Variants in TSNARE1 observed in about 807,000 individuals in gnomAD.
The protein encoded by TSNARE1 is t-SNARE domain-containing protein 1.
In TSNARE1, 49 loss-of-function variants were observed where a neutral mutation model predicts 62.0. That is an observed-to-expected ratio of 0.79 (90% confidence interval 0.63 to 1.00). The LOEUF is 1.00. Among genes scored for constraint, TSNARE1 ranks in the 50% least tolerant of loss-of-function variants. The pLI is 0.00. For synonymous variants in TSNARE1, 328 were observed against 294.4 expected (o/e 1.11, Z -1.17); for missense variants, 755 against 700.1 (o/e 1.08, Z -0.88).
At chr8:142,403,968 G>C (rs1838496418), upstream of TSNARE1, 1 of 152,232 alleles carries the variant, frequency 6.6e-6, no homozygotes, top group Non-Finnish European at 1.5e-5. Context: ...GTGTGTCCTT[G>C]GGCCGCCAGG....
intron 12 of TSNARE1, among the ~76,000 whole-genome samples, chr8:142,242,947 C>CAAAAAAAAAAAAAAAAAAAAAAAAAAAAA (rs35092120): frequency 1.9e-5 from 1 of 51,390 alleles, no homozygotes. Context: ...AACTCTGTCT[C>CAAAAAAAAAAAAAAAAAAAAAAAAAAAAA]AAAAAAAAAA....
intron 9 of TSNARE1, among the ~76,000 whole-genome samples, chr8:142,301,925 C>T (rs1185839958): frequency 6.6e-6 from 1 of 152,224 alleles, no homozygotes; most frequent in African/African-American, 2.4e-5. Context: ...TGCCCTCAGA[C>T]ACACATCAAG....
intron 13 of TSNARE1, among the ~76,000 whole-genome samples, chr8:142,220,621 A>G (rs1255695874): frequency 6.6e-6 from 1 of 152,208 alleles, no homozygotes; most frequent in Non-Finnish European, 1.5e-5. Context: ...TCCGCTCAGC[A>G]CAGAGGGGCA....
intron 1 of TSNARE1, among the ~76,000 whole-genome samples, chr8:142,368,894 A>C (rs1474304892): frequency 6.6e-6 from 1 of 152,192 alleles, no homozygotes; most frequent in Non-Finnish European, 1.5e-5. Flanking sequence ...TCTCTGGAAA[A>C]GGGGCAGAGC....
chr8:142,318,446 C>A, intron 7 of TSNARE1, 98 bp downstream of exon 7: 3 of 1,221,294 alleles, frequency 2.5e-6, no homozygotes, highest in Non-Finnish European at 3.5e-6. Flanking sequence ...CACACGTCAG[C>A]CTCCCTGTAT....
intron 9 of TSNARE1, among the ~76,000 whole-genome samples, chr8:142,308,472 C>T (rs1227971984): frequency 2.0e-5 from 3 of 152,130 alleles, no homozygotes; most frequent in Admixed American, 6.6e-5. Flanking sequence ...ACCCACCTCC[C>T]GTGGCAGGGC....
At chr8:142,256,575 T>TCATCACCACCATCAC (rs1554630721) in intron 12 of TSNARE1, among the ~76,000 whole-genome samples, 4 of 123,520 alleles carry the variant, frequency 3.2e-5, no homozygotes, top group Non-Finnish European at 5.3e-5. Context: ...ACCATCACCA[T>TCATCACCACCATCAC]CATCACCACC....
intron 2 of TSNARE1, among the ~76,000 whole-genome samples, 185 bp from the exon 3 acceptor site, chr8:142,346,077 G>A (rs1169083146): frequency 1.3e-5 from 2 of 152,232 alleles, no homozygotes; most frequent in African/African-American, 2.4e-5. Context: ...ATGCCAGCAA[G>A]GAGTTCAGAA....
chr8:142,360,812 C>A (rs1240878908), intron 1 of TSNARE1, among the ~76,000 whole-genome samples: 1 of 152,230 alleles, frequency 6.6e-6, no homozygotes, highest in East Asian at 1.9e-4. Context: ...GCAGGCCACA[C>A]CCACTGCCCA....
chr8:142,344,493 G>C (rs12156381), intron 3 of TSNARE1, 21 bp from the exon 4 acceptor site: 13 of 1,499,106 alleles, frequency 8.7e-6, no homozygotes, highest in Non-Finnish European at 1.1e-5. Context: ...ACCAAAAGGC[G>C]GATGTTTAAG....
At chr8:142,229,296 G>A (rs1279422120) in intron 13 of TSNARE1, among the ~76,000 whole-genome samples, 177 bp downstream of exon 13, 1 of 151,488 alleles carries the variant, frequency 6.6e-6, no homozygotes, top group African/African-American at 2.4e-5. Flanking sequence ...ATGGATAGAT[G>A]GATGGATGGA....
chr8:142,277,807 A>G (rs544282948), intron 11 of TSNARE1: 2 of 985,346 alleles, frequency 2.0e-6, no homozygotes, highest in South Asian at 9.4e-5. Context: ...AGGGAACCAC[A>G]GGGTGAGCAA....
chr8:142,382,845 C>T (rs1836865805), intron 1 of TSNARE1, among the ~76,000 whole-genome samples: 1 of 152,236 alleles, frequency 6.6e-6, no homozygotes, highest in African/African-American at 2.4e-5. Flanking sequence ...CCACAGATCA[C>T]AGAGTTGGAG....
intron 1 of TSNARE1, among the ~76,000 whole-genome samples, chr8:142,397,050 C>T (rs553049906): frequency 3.6e-5 from 5 of 139,038 alleles, no homozygotes; most frequent in African/African-American, 8.2e-5. Context: ...GTGGCAGTGG[C>T]GAGGCAGCCC....
intron 12 of TSNARE1, among the ~76,000 whole-genome samples, chr8:142,252,835 C>T (rs1818241078): frequency 6.6e-6 from 1 of 152,172 alleles, no homozygotes; most frequent in Non-Finnish European, 1.5e-5. Context: ...GTCCTCCCCT[C>T]CCCACCCCTC....
chr8:142,338,486 C>T (rs1832089852), intron 4 of TSNARE1, among the ~76,000 whole-genome samples: 1 of 150,484 alleles, frequency 6.6e-6, no homozygotes, highest in Non-Finnish European at 1.5e-5. Flanking sequence ...GCTGCCTGGA[C>T]CACTGGGCAA....
At chr8:142,320,731 G>A (rs548903964) in intron 6 of TSNARE1, among the ~76,000 whole-genome samples, 5 of 152,378 alleles carry the variant, frequency 3.3e-5, no homozygotes, top group African/African-American at 7.2e-5. Flanking sequence ...CGCTGCCACC[G>A]TGGGCAACGC....
chr8:142,396,434 C>G (rs1351957343), intron 1 of TSNARE1, among the ~76,000 whole-genome samples: 4 of 152,180 alleles, frequency 2.6e-5, no homozygotes, highest in Non-Finnish European at 5.9e-5. Flanking sequence ...AACCTCCATA[C>G]CTGGATTCCT....
At chr8:142,367,596 G>C (rs894109913) in intron 1 of TSNARE1, among the ~76,000 whole-genome samples, 1 of 152,160 alleles carries the variant, frequency 6.6e-6, no homozygotes. Flanking sequence ...GAGATATTCT[G>C]GCATTTGATA....
Sources: gnomAD v4.1 joint callset for allele counts (sites outside exome capture counted in the v4.1 genomes callset) on GRCh38, gnomAD v4.1.1 for gene constraint, MANE v1.5 for transcripts, NCBI Gene and HGNC (gene_info 2026-07-23, HGNC 2026-07-21) for gene names.